The following KCNG3 variants were observed in gnomAD, a reference collection of about 807,000 sequenced individuals.
KCNG3 encodes voltage-gated potassium channel regulatory subunit KCNG3.
Under a neutral mutation model 29.0 loss-of-function variants are expected in KCNG3, and 15 were observed. The observed-to-expected ratio is 0.52, with a 90% CI of 0.35 to 0.80. The LOEUF is 0.80. Ranked by LOEUF, KCNG3 falls within the 30% of genes least tolerant of loss-of-function variation. The pLI is 0.01. For missense variants in KCNG3, 512 were observed against 605.7 expected, an observed-to-expected ratio of 0.85 and a Z score of 1.62; for synonymous variants, 322 against 248.9, an observed-to-expected ratio of 1.29 and a Z score of -2.76.
the KCNG3 span, among the ~76,000 whole-genome samples, chr2:42,391,216 G>A: frequency 6.6e-6 from 1 of 152,142 alleles, no homozygotes. Flanking sequence ...CTAACATGGT[G>A]CTATTGAAAT....
rs1169572318 is a variant in KCNG3, at chr2:42,444,854, G to A, written c.666-275C>T. Among the ~76,000 whole-genome samples, 2 of 151,096 alleles carry A rather than the reference G, an allele frequency of 1.3e-5. No individual in the cohort carries two copies. The highest frequency in any genetic ancestry group is 2.4e-5 in the African/African-American group (1 of 41,014). On this transcript the variant is annotated intron_variant, in intron 1 of 1. Coordinates refer to ENST00000306078, the MANE Select transcript of KCNG3 (RefSeq NM_133329.6). This position sits in a 1 kb window ranked among gnomAD's most constrained non-coding sequence, Gnocchi z 5.8. Reference sequence around the variant, plus strand: ...AGGTGGGTGAATCGCTTGAGCCCAGGAGTTCGAGACCAACCTGGGCACCAC... The same window carrying A: ...AGGTGGGTGAATCGCTTGAGCCCAGAAGTTCGAGACCAACCTGGGCACCAC...
At chr2:42,416,875 C>A in the KCNG3 span, among the ~76,000 whole-genome samples, 1 of 151,548 alleles carries the variant, frequency 6.6e-6, no homozygotes, top group African/African-American at 2.4e-5. Context: ...GATATGTTAA[C>A]TGCTCTGATT....
At chr2:42,430,196 A>C in the KCNG3 span, among the ~76,000 whole-genome samples, 3 of 149,894 alleles carry the variant, frequency 2.0e-5, no homozygotes, top group African/African-American at 7.4e-5. Flanking sequence ...GTGAGACCTC[A>C]TCTCTACAAA....
intron 1 of KCNG3, among the ~76,000 whole-genome samples, chr2:42,487,341 TTC>T (rs1328346535): frequency 9.1e-6 from 1 of 109,358 alleles, no homozygotes; most frequent in African/African-American, 4.3e-5. Flanking sequence ...TCTTTTTTTT[TTC>T]TTTCTTTTTT....
At chr2:42,423,067 T>C in the KCNG3 span, among the ~76,000 whole-genome samples, 5 of 152,302 alleles carry the variant, frequency 3.3e-5, no homozygotes, top group Admixed American at 2.0e-4. Flanking sequence ...TTTGGACCAC[T>C]CTAGACAGAA....
chr2:42,391,595 CTTTTTTT>C, the KCNG3 span, among the ~76,000 whole-genome samples: 238 of 88,110 alleles, frequency 2.7e-3, 2 homozygotes, highest in East Asian at 0.045. Context: ...TTTTATATCT[CTTTTTTT>C]TTTTTTTTTT....
the KCNG3 span, among the ~76,000 whole-genome samples, chr2:42,404,191 A>C: frequency 6.6e-6 from 1 of 152,184 alleles, no homozygotes; most frequent in African/African-American, 2.4e-5. Flanking sequence ...TAGCTGGGAC[A>C]ATTTTGGTAA....
Position 42,493,963 on chromosome 2 carries a change from C to G in KCNG3, c.-462G>C, listed in dbSNP as rs965348016. ...AATCCGGCGGCCGCCCCGCCGCCGTCCAGAGGCGAGAGGCAAAGTGAGCGG... is the reference window on the plus strand; with the variant it reads ...AATCCGGCGGCCGCCCCGCCGCCGTGCAGAGGCGAGAGGCAAAGTGAGCGG... On this transcript the variant is annotated 5_prime_UTR_variant, in exon 1 of 2. Coordinates refer to ENST00000306078, the MANE Select transcript of KCNG3 (RefSeq NM_133329.6). 4 of 154,098 alleles carry G rather than the reference C, an allele frequency of 2.6e-5. No homozygotes were observed. Among genetic ancestry groups the G allele is most frequent in the African/African-American group, 9.6e-5 (4 of 41,636 alleles). 9.5% of individuals were successfully genotyped at this position (154,098 alleles called of 1,614,324 possible).
At chr2:42,430,005 G>A in the KCNG3 span, among the ~76,000 whole-genome samples, 14 of 152,138 alleles carry the variant, frequency 9.2e-5, no homozygotes, top group African/African-American at 2.9e-4. Flanking sequence ...TATAAATACA[G>A]AGAGAAAGAT....
At chr2:42,466,307 G>A (rs1673139770) in intron 1 of KCNG3, among the ~76,000 whole-genome samples, 1 of 152,188 alleles carries the variant, frequency 6.6e-6, no homozygotes, top group Admixed American at 6.5e-5. Context: ...TCGGGAGGCT[G>A]AGGCAGGAGA....
chr2:42,404,257 G>A, the KCNG3 span, among the ~76,000 whole-genome samples: 1 of 152,050 alleles, frequency 6.6e-6, no homozygotes, highest in Admixed American at 6.6e-5. Context: ...TCTTGGCACA[G>A]AATTGTTGAT....
chr2:42,397,942 G>T, the KCNG3 span, among the ~76,000 whole-genome samples: 3 of 152,132 alleles, frequency 2.0e-5, no homozygotes, highest in East Asian at 1.9e-4. Context: ...CAAGAAGACG[G>T]GCTGGGCACG....
chr2:42,411,954 T>C, the KCNG3 span, among the ~76,000 whole-genome samples: 2 of 152,232 alleles, frequency 1.3e-5, no homozygotes, highest in Non-Finnish European at 2.9e-5. Context: ...AAATTCTAGA[T>C]ATGATTTAGC....
chr2:42,408,319 G>A, the KCNG3 span, among the ~76,000 whole-genome samples: 2 of 152,190 alleles, frequency 1.3e-5, no homozygotes, highest in African/African-American at 2.4e-5. Context: ...CTGTCCCGCA[G>A]ACCAGAATGG....
intron 1 of KCNG3, among the ~76,000 whole-genome samples, chr2:42,479,343 C>T (rs112940285): frequency 3.3e-5 from 5 of 152,162 alleles, no homozygotes; most frequent in African/African-American, 4.8e-5. Context: ...GCATGAATAT[C>T]GTCATATAAA....
chr2:42,401,714 G>A, the KCNG3 span, among the ~76,000 whole-genome samples: 3 of 151,946 alleles, frequency 2.0e-5, no homozygotes, highest in Non-Finnish European at 4.4e-5. Flanking sequence ...CTGGGATTAC[G>A]GACGTGAGCC....
chr2:42,465,572 A>C (rs1673122730), intron 1 of KCNG3, among the ~76,000 whole-genome samples: 1 of 152,190 alleles, frequency 6.6e-6, no homozygotes, highest in African/African-American at 2.4e-5. Context: ...GCAAGTAGGC[A>C]AACTTTCTTA....
chr2:42,477,929 A>G (rs1673479936), intron 1 of KCNG3, among the ~76,000 whole-genome samples: 1 of 151,964 alleles, frequency 6.6e-6, no homozygotes, highest in South Asian at 2.1e-4. Context: ...GGCATCCCAC[A>G]GGGTTTTATA....
chr2:42,477,306 A>G (rs993018581), intron 1 of KCNG3, among the ~76,000 whole-genome samples: 1 of 151,520 alleles, frequency 6.6e-6, no homozygotes, highest in Non-Finnish European at 1.5e-5. Context: ...GAAAGGGACG[A>G]TACATTAAAA....
Sources: allele counts gnomAD v4.1 joint callset (sites outside exome capture counted in the v4.1 genomes callset), GRCh38; gene constraint gnomAD v4.1.1; non-coding constraint Gnocchi (gnomAD v3.1); transcripts MANE v1.5; gene names NCBI Gene and HGNC (gene_info 2026-07-23, HGNC 2026-07-21).